Variants in PRDM10 observed in about 807,000 individuals in gnomAD.
PRDM10 encodes PR domain zinc finger protein 10.
In PRDM10, 65 loss-of-function variants were observed where a neutral mutation model predicts 133.1. That is an observed-to-expected ratio of 0.49 (90% CI 0.40 to 0.60). The LOEUF (loss-of-function observed/expected upper bound fraction) is 0.60. PRDM10 is among the 20% of genes least tolerant of loss of function. PRDM10 has a pLI of 0.00. For missense variants in PRDM10, 1,137 were observed against 1,507.1 expected (o/e 0.75, Z 4.07); for synonymous variants, 582 against 580.4 (o/e 1.00, Z -0.04).
intron 1 of PRDM10, among the ~76,000 whole-genome samples, chr11:129,981,193 A>T (rs183028218): frequency 7.9e-5 from 12 of 152,208 alleles, no homozygotes; most frequent in Admixed American, 5.9e-4. Flanking sequence ...TTTTCAGGTG[A>T]TGAAAATGTG....
At chr11:129,950,687 T>C (rs940978424) in intron 4 of PRDM10, among the ~76,000 whole-genome samples, 3 of 152,220 alleles carry the variant, frequency 2.0e-5, no homozygotes. Flanking sequence ...TTAAGCATTA[T>C]GCCAGGGTTA....
chr11:129,916,691 T>TC (rs1399300768), intron 15 of PRDM10, among the ~76,000 whole-genome samples: 1 of 152,212 alleles, frequency 6.6e-6, no homozygotes, highest in Non-Finnish European at 1.5e-5. Flanking sequence ...GTGTCTTTTC[T>TC]GTAACTACAT....
chr11:129,924,823 T>C, intron 12 of PRDM10, 59 bp downstream of exon 12: 3 of 1,460,162 alleles, frequency 2.1e-6, no homozygotes, highest in Non-Finnish European at 2.8e-6. Flanking sequence ...TTTCCAAAAA[T>C]CGAAGTTTCT....
chr11:129,928,263 C>T (rs895587286), intron 11 of PRDM10, among the ~76,000 whole-genome samples: 3 of 151,848 alleles, frequency 2.0e-5, no homozygotes, highest in South Asian at 2.1e-4. Flanking sequence ...CATGCCACCA[C>T]GCCTGACTAA....
At position 129,905,735 on chromosome 11, in the gene PRDM10, T is replaced by C. The variant is rs760996767; in HGVS notation, c.3170A>G (p.Glu1057Gly). 6.2e-7 allele frequency: 1 copy of C among 1,613,716 alleles called. No homozygotes were observed. Residue 1057 changes from glutamate (E) to glycine (G), a missense_variant, in exon 20 of 21, where the codon GAG becomes GGG. Physicochemically the swap from Glu to Gly is moderately conservative, Grantham distance 98. Around this residue, in one of 6 missense-constraint regions of PRDM10, gnomAD observed 243 missense variants for 259.2 expected, o/e 0.94. Transcript: ENST00000360871. ...CGGAGGAAGCGTCATCATTTGAATCTCAGATGCTAAAAAACAGGAAATATT... is the reference window on the plus strand; with the variant it reads ...CGGAGGAAGCGTCATCATTTGAATCCCAGATGCTAAAAAACAGGAAATATT... ...AWNSFRGYSS[E>G]IQMMTLPPGQ... is the part of the protein sequence containing the mutation.
At chr11:129,974,722 G>A (rs894851209) in intron 1 of PRDM10, among the ~76,000 whole-genome samples, 28 of 152,150 alleles carry the variant, frequency 1.8e-4, no homozygotes, top group African/African-American at 6.0e-4. Context: ...CTGAAGACAC[G>A]AACGGCACCT....
intron 1 of PRDM10, among the ~76,000 whole-genome samples, chr11:129,971,303 G>A (rs1345515309): frequency 6.6e-6 from 1 of 152,150 alleles, no homozygotes; most frequent in East Asian, 1.9e-4. Context: ...CTCTTATCTG[G>A]CCCCACACGC....
chr11:129,907,097 T>C (rs777961591), intron 19 of PRDM10, among the ~76,000 whole-genome samples: 1 of 152,062 alleles, frequency 6.6e-6, no homozygotes, highest in Non-Finnish European at 1.5e-5. Context: ...GCCTGAACAT[T>C]ATGTGCTCTT....
chr11:129,987,766 C>G (rs189128612), intron 1 of PRDM10, among the ~76,000 whole-genome samples: 2 of 152,094 alleles, frequency 1.3e-5, no homozygotes, highest in Non-Finnish European at 2.9e-5. Context: ...TTTGGGAGGC[C>G]GAGGCAGGCA....
chr11:129,947,350 G>A lies in PRDM10; in HGVS notation c.315C>T (p.Asn105=). The change falls in exon 5 of 21, where the codon AAC becomes AAT. Residue 105 remains asparagine (N), a synonymous_variant. Transcript: ENST00000360871. This position sits in a 1 kb window ranked among gnomAD's most constrained non-coding sequence, Gnocchi z 4.6. ...CACTCTCGATGGAAGGCAGCACCTG[G>A]TTATGAACTGGCAATGAGGCCTGGG... ...TAQQASLPVH[N]QVLPSIESVD... is the part of the protein sequence containing the mutation. 6.2e-7 allele frequency: 1 copy of A among 1,614,192 alleles called. No homozygotes were observed. The highest frequency in any genetic ancestry group is 8.5e-7 in the Non-Finnish European group (1 of 1,180,032).
At chr11:129,994,325 C>T (rs879410831) in intron 1 of PRDM10, among the ~76,000 whole-genome samples, 7 of 151,926 alleles carry the variant, frequency 4.6e-5, no homozygotes, top group Non-Finnish European at 7.4e-5. Flanking sequence ...ATTAGCCAGG[C>T]GTGGTGGTGG....
rs1345744226 is a variant in PRDM10 at position 129,945,052 on chromosome 11, T to G, written c.521-40A>C. The G allele has an allele frequency of 5.0e-6, 8 of 1,601,696 alleles. No homozygotes were observed. Among genetic ancestry groups the G allele is most frequent in the Middle Eastern group, 1.7e-4 (1 of 5,730 alleles). ...CAGTCTTGAAGAAAAGTCCAATTCC[T>G]CAGTGTGACTTGATGTGAGGTAAAA... is the stretch of plus-strand genomic sequence containing the variant. On this transcript the variant is annotated intron_variant, in intron 5 of 20. Transcript: ENST00000360871. The surrounding 1 kb of genome is among the most constrained non-coding windows in gnomAD (Gnocchi z 4.2).
intron 1 of PRDM10, among the ~76,000 whole-genome samples, chr11:129,978,320 A>C (rs1247539318): frequency 6.6e-6 from 1 of 151,794 alleles, no homozygotes; most frequent in Non-Finnish European, 1.5e-5. Context: ...CTGGGAAAAA[A>C]CTCCAAAAAA....
intron 19 of PRDM10, among the ~76,000 whole-genome samples, 170 bp from the exon 20 acceptor site, chr11:129,905,911 AGCCT>A (rs1252113852): frequency 6.6e-6 from 1 of 152,332 alleles, no homozygotes; most frequent in East Asian, 1.9e-4. Flanking sequence ...AATTGAGAAG[AGCCT>A]GGTACGCAGA....
chr11:129,956,685 T>C (rs1951702419), intron 3 of PRDM10, among the ~76,000 whole-genome samples: 2 of 152,246 alleles, frequency 1.3e-5, no homozygotes, highest in Non-Finnish European at 2.9e-5. Flanking sequence ...TATTTTAATA[T>C]AGGCAGGGGT....
At position 129,927,903 on chromosome 11, in the gene PRDM10, C is replaced by T. The variant is rs540483194; in HGVS notation, c.1531-2674G>A. Among the ~76,000 whole-genome samples, 4 of 142,796 alleles carry T rather than the reference C, an allele frequency of 2.8e-5. No individual in the cohort carries two copies. In the East Asian group the frequency reaches 8.6e-4, roughly 31 times the overall value. The allele number at this position is 142,796 out of a possible 152,430, so 93.7% of individuals were successfully genotyped here. A position where few individuals can be genotyped will look rare whatever the true frequency, so the allele number is the denominator to read the frequency against. On this transcript the variant is annotated intron_variant, in intron 11 of 20. Coordinates refer to ENST00000360871, the MANE Select transcript of PRDM10 (RefSeq NM_199437.2). ...AAATCATGACAAATGTCGGAGAGAG[C>T]GCACAGATCCACTCTAGTTCTTCTG... is the stretch of plus-strand genomic sequence containing the variant.
intron 13 of PRDM10, among the ~76,000 whole-genome samples, chr11:129,921,063 C>T (rs922425140): frequency 1.3e-5 from 2 of 152,168 alleles, no homozygotes; most frequent in Admixed American, 1.3e-4. Flanking sequence ...TCCCAAAGTG[C>T]TGGGATTACA....
At chr11:129,930,915 T>A in intron 11 of PRDM10, 101 bp downstream of exon 11, 1 of 1,468,418 alleles carries the variant, frequency 6.8e-7, no homozygotes, top group East Asian at 2.3e-5. Flanking sequence ...AGATGCAAGA[T>A]TTCAGAGAGG....
chr11:129,908,525 T>C (rs1224464593), intron 19 of PRDM10, among the ~76,000 whole-genome samples: 1 of 152,166 alleles, frequency 6.6e-6, no homozygotes, highest in Non-Finnish European at 1.5e-5. Context: ...GATGAGGTGA[T>C]ATGATGGATC....
Sources: gnomAD v4.1 joint callset for allele counts (sites outside exome capture counted in the v4.1 genomes callset) on GRCh38, gnomAD v4.1.1 for gene constraint, gnomAD v4.1.1 regional missense constraint, Gnocchi (gnomAD v3.1) non-coding constraint, MANE v1.5 for transcripts, NCBI Gene and HGNC (gene_info 2026-07-23, HGNC 2026-07-21) for gene names.